ACSF3: variants seen among roughly 807,000 people sequenced by gnomAD.
The protein encoded by ACSF3 is acyl-CoA synthetase family member 3, also known as malonate--CoA ligase ACSF3, mitochondrial.
ACSF3 carries 78 observed loss-of-function variants against 53.2 expected under a neutral mutation model. The ratio of observed to expected loss-of-function variants is 1.47; its 90% confidence interval spans 1.22 to 1.77. ACSF3 has a LOEUF of 1.77. ACSF3 is among the 40% of genes most tolerant of loss of function. The pLI is 0.00. For missense variants in ACSF3, 937 were observed against 771.1 expected, an observed-to-expected ratio of 1.22 and a Z score of -2.55; for synonymous variants, 414 against 333.1, an observed-to-expected ratio of 1.24 and a Z score of -2.65.
At chr16:89,138,141 C>T (rs932008890) in intron 8 of ACSF3, among the ~76,000 whole-genome samples, 11 of 152,182 alleles carry the variant, frequency 7.2e-5, no homozygotes, top group African/African-American at 2.4e-4. Flanking sequence ...CTGTGGAGGC[C>T]AAGTGGGGAC....
chr16:89,136,927 G>A (rs998804871), intron 8 of ACSF3: 1 of 1,187,538 alleles, frequency 8.4e-7, no homozygotes, highest in African/African-American at 1.6e-5. Flanking sequence ...GACGTCAAAG[G>A]TCTGTCTCAG....
At position 89,146,033 on chromosome 16, in the gene ACSF3, C is replaced by T; in HGVS notation, c.1597C>T (p.Leu533Phe). The change falls in exon 10 of 11, where the codon CTC becomes TTC. Residue 533 changes from leucine (L) to phenylalanine (F), a missense_variant. Transcript: ENST00000614302. ...REGHSLSHRELKEWARNVLAP... is the reference protein window; with the variant it reads ...REGHSLSHREFKEWARNVLAP... The stretch of plus-strand genomic sequence containing the variant: ...AGGACACTCACTGTCCCACAGGGAG[C>T]TCAAAGAGTGGGCCAGGTAGGGCTG... 1 of 1,227,938 alleles carries T rather than the reference C, an allele frequency of 8.1e-7. No homozygotes were observed. Among genetic ancestry groups the T allele is most frequent in the Non-Finnish European group, 1.1e-6 (1 of 870,396 alleles). 76.1% of individuals were successfully genotyped at this position (1,227,938 alleles called of 1,614,324 possible).
chr16:89,094,856 T>C (rs1974428108), intron 1 of ACSF3, among the ~76,000 whole-genome samples: 1 of 152,164 alleles, frequency 6.6e-6, no homozygotes, highest in Non-Finnish European at 1.5e-5. Context: ...GACAGCACCA[T>C]TGCACTCCAG....
chr16:89,101,952 C>T (rs116288786), intron 3 of ACSF3, among the ~76,000 whole-genome samples: 4,138 of 152,354 alleles, frequency 0.027, 94 homozygotes, highest in Middle Eastern at 0.068. Context: ...CGCCGTCACT[C>T]CTGGAAGCGG....
chr16:89,113,605 G>T (rs966605014), intron 5 of ACSF3: 15 of 154,784 alleles, frequency 9.7e-5, no homozygotes, highest in Middle Eastern at 3.4e-3. Flanking sequence ...CCCAGCGGGG[G>T]TCCTGTCAGT....
At position 89,154,211 on chromosome 16, in the gene ACSF3, G is replaced by C; in HGVS notation, c.*4G>C. On this transcript the variant is annotated 3_prime_UTR_variant, in exon 11 of 11. Transcript: ENST00000614302. ...CAGGCACTTCCACCCCTCATGACCC[G>C]GCAGACTGGGACTGCGGGTCTGGTG... The C allele has an allele frequency of 2.5e-6, 4 of 1,612,744 alleles. No homozygotes were observed. Among genetic ancestry groups the C allele is most frequent in the Non-Finnish European group, 3.4e-6 (4 of 1,179,590 alleles).
Position 89,101,176 on chromosome 16 carries a change from C to T in ACSF3, c.495C>T (p.Val165=), listed in dbSNP as rs769016647. The change falls in exon 3 of 11, where the codon GTC becomes GTT. Residue 165 remains valine, a synonymous_variant. Coordinates refer to ENST00000614302, the MANE Select transcript of ACSF3 (RefSeq NM_001243279.3). ...GCCCGGTGGTCAGGAAGCTGGGGGT[C>T]CCGCTGCTGCCGCTCACACCAGCCA... The part of the protein sequence containing the change: ...LLSPVVRKLG[V]PLLPLTPAIY... The T allele has an allele frequency of 1.2e-6, 2 of 1,604,826 alleles. No homozygotes were observed. Among genetic ancestry groups the T allele is most frequent in the Non-Finnish European group, 1.7e-6 (2 of 1,176,308 alleles).
intron 8 of ACSF3, among the ~76,000 whole-genome samples, chr16:89,133,640 T>C (rs1909808158): frequency 6.6e-6 from 1 of 152,148 alleles, no homozygotes; most frequent in African/African-American, 2.4e-5. Context: ...ACCCTCCACC[T>C]CCGAGGTGTA....
intron 7 of ACSF3, among the ~76,000 whole-genome samples, chr16:89,124,332 G>T (rs867416763): frequency 3.3e-5 from 5 of 152,094 alleles, no homozygotes; most frequent in Non-Finnish European, 5.9e-5. Context: ...AGACCCGTTT[G>T]CACACTACAT....
At chr16:89,135,511 G>A (rs1283395939) in intron 8 of ACSF3, among the ~76,000 whole-genome samples, 1 of 152,374 alleles carries the variant, frequency 6.6e-6, no homozygotes, top group Non-Finnish European at 1.5e-5. Flanking sequence ...TCGTGGGCTG[G>A]ACATCAGCAG....
At chr16:89,150,414 A>G (rs1367940765) in intron 10 of ACSF3, 1 of 154,006 alleles carries the variant, frequency 6.5e-6, no homozygotes, top group African/African-American at 2.4e-5. Flanking sequence ...GAGCTGTGCT[A>G]GAGTTTCAGG....
chr16:89,116,602 C>T (rs1188649641), intron 6 of ACSF3, among the ~76,000 whole-genome samples: 4 of 152,290 alleles, frequency 2.6e-5, no homozygotes, highest in Admixed American at 1.3e-4. Context: ...CCTCAGCTGC[C>T]GTGCAGAGCT....
At chr16:89,136,760 A>G in intron 8 of ACSF3, 1 of 1,287,198 alleles carries the variant, frequency 7.8e-7, no homozygotes, top group Non-Finnish European at 1.0e-6. Flanking sequence ...CTGCCTCAAG[A>G]TCACACAGCG....
At chr16:89,119,289 C>T (rs1041715532) in intron 6 of ACSF3, among the ~76,000 whole-genome samples, 4 of 152,204 alleles carry the variant, frequency 2.6e-5, no homozygotes, top group Non-Finnish European at 5.9e-5. Context: ...CCTTGCGCTG[C>T]GTCCCCGCCC....
chr16:89,117,257 G>A (rs1166802190), intron 6 of ACSF3, among the ~76,000 whole-genome samples: 2 of 152,120 alleles, frequency 1.3e-5, no homozygotes, highest in Non-Finnish European at 2.9e-5. Context: ...TGATCTTCTC[G>A]AAACAGCCCC....
chr16:89,132,088 A>G lies in ACSF3; in HGVS notation c.1240-1048A>G, dbSNP rs377407662. ...GACGACACACTCGGCAGAGGCTGCC[A>G]TGGGGCAGTGTTGGCCCCACGGCGT... On this transcript the variant is annotated intron_variant, in intron 7 of 10. Transcript: ENST00000614302. Among the ~76,000 whole-genome samples the G allele has an allele frequency of 1.3e-3, 195 of 152,376 alleles. 2 individuals carry two copies. The highest frequency in any genetic ancestry group is 3.9e-3 in the African/African-American group (162 of 41,600).
At chr16:89,118,918 C>T (rs1905888009) in intron 6 of ACSF3, among the ~76,000 whole-genome samples, 1 of 152,216 alleles carries the variant, frequency 6.6e-6, no homozygotes, top group Non-Finnish European at 1.5e-5. Context: ...GCGGGGCCAG[C>T]CTCTGTCCAC....
Position 89,154,498 on chromosome 16 carries a change from C to T in ACSF3, c.*291C>T, listed in dbSNP as rs764273652. The T allele has an allele frequency of 5.4e-5, 31 of 573,422 alleles. No homozygotes were observed. Among genetic ancestry groups the T allele is most frequent in the Non-Finnish European group, 9.5e-5 (29 of 304,266 alleles). 35.5% of individuals were successfully genotyped at this position (573,422 alleles called of 1,614,324 possible). ...CCTGGCCCCACGTGCTGAGGCACCT[C>T]CCGCCCCACAGTGCCCTGCAGTTGC... On this transcript the variant is annotated 3_prime_UTR_variant, in exon 11 of 11. Transcript: ENST00000614302.
rs758540655 is a variant in ACSF3, at chr16:89,154,210, C to T, written c.*3C>T. On this transcript the variant is annotated 3_prime_UTR_variant, in exon 11 of 11. Transcript: ENST00000614302. ...TCAGGCACTTCCACCCCTCATGACC[C>T]GGCAGACTGGGACTGCGGGTCTGGT... The T allele has an allele frequency of 1.2e-5, 19 of 1,612,944 alleles. No homozygotes were observed. The highest frequency in any genetic ancestry group is 1.6e-4 in the Middle Eastern group (1 of 6,062).
Sources: gnomAD v4.1 joint callset for allele counts (sites outside exome capture counted in the v4.1 genomes callset) on GRCh38, gnomAD v4.1.1 for gene constraint, MANE v1.5 for transcripts, NCBI Gene and HGNC (gene_info 2026-07-23, HGNC 2026-07-21) for gene names.